The following TBL1Y variants were observed in gnomAD, a reference collection of about 807,000 sequenced individuals.
TBL1Y encodes transducin beta like 1 Y-linked.
In TBL1Y, 15 loss-of-function variants were observed where a neutral mutation model predicts 12.0. That is an observed-to-expected ratio of 1.25 (90% CI 0.83 to 1.92). TBL1Y has a LOEUF of 1.92. Ranked by LOEUF, TBL1Y falls within the 40% of genes most tolerant of loss-of-function variation. The probability of loss-of-function intolerance (pLI) is 0.00; values close to 1 mark genes in which losing one functional copy is unlikely to be tolerated. For missense variants in TBL1Y, 148 were observed against 116.7 expected (o/e 1.27, Z -1.24); for synonymous variants, 53 against 42.6 (o/e 1.24, Z -0.95).
chrY:6,982,634 T>TTATATA (rs2012293869), intron 3 of TBL1Y, among the ~76,000 whole-genome samples: 2 of 33,922 alleles, frequency 5.9e-5, no homozygotes, highest in Admixed American at 5.4e-4. Flanking sequence ...TTTTAAAACT[T>TTATATA]TATATGTGTA....
chrY:7,086,080 G>A, intron 15 of TBL1Y, 108 bp downstream of exon 15: 1 of 258,424 alleles, frequency 3.9e-6, no homozygotes, highest in Non-Finnish European at 5.9e-6. Context: ...TACTGACCAC[G>A]TTCCCTTCCT....
At chrY:6,935,261 C>T (rs1053976712) in intron 2 of TBL1Y, among the ~76,000 whole-genome samples, 2 of 32,748 alleles carry the variant, frequency 6.1e-5, no homozygotes, top group African/African-American at 1.2e-4. Flanking sequence ...TTTATAATGT[C>T]GCTCCCCATC....
intron 2 of TBL1Y, among the ~76,000 whole-genome samples, chrY:6,915,527 C>G (rs2011728731): frequency 9.0e-5 from 3 of 33,435 alleles, no homozygotes; most frequent in African/African-American, 3.5e-4. Flanking sequence ...AACTGTGTGT[C>G]TTTAGAGAGG....
intron 2 of TBL1Y, among the ~76,000 whole-genome samples, chrY:6,970,844 C>A: frequency 2.9e-5 from 1 of 34,222 alleles, no homozygotes; most frequent in East Asian, 7.7e-4. Flanking sequence ...ATCTTCCAGT[C>A]CCCTATAAGG....
intron 3 of TBL1Y, among the ~76,000 whole-genome samples, chrY:6,986,456 G>T: frequency 3.0e-5 from 1 of 33,551 alleles, no homozygotes; most frequent in South Asian, 6.7e-4. Flanking sequence ...AAGTTTGCTC[G>T]TTCAAGGGTG....
In TBL1Y at chrY:7,085,962, T is replaced by G. The variant is rs1214506954; in HGVS notation, c.1142T>G (p.Met381Arg). 2.5e-6 allele frequency: 1 copy of G among 398,106 alleles called. No individual in the cohort carries two copies. The highest frequency in any genetic ancestry group is 3.5e-6 in the Non-Finnish European group (1 of 283,271). Reference protein sequence around the residue: ...GMLLASCSDDMTLKIWSMKQD... With the variant: ...GMLLASCSDDRTLKIWSMKQD... ...TTGCTGGCGTCCTGCTCGGATGACA[T>G]GACATTGAAGGTAGAGTCAGCATGG... The change falls in exon 15 of 19, where the codon ATG becomes AGG. Residue 381 changes from methionine to arginine, a missense_variant. Coordinates refer to ENST00000383032, the MANE Select transcript of TBL1Y (RefSeq NM_033284.2).
At chrY:6,934,407 T>C (rs964426442) in intron 2 of TBL1Y, among the ~76,000 whole-genome samples, 9 of 32,994 alleles carry the variant, frequency 2.7e-4, no homozygotes, top group African/African-American at 1.1e-3. Flanking sequence ...TGCCCCAAGC[T>C]CATTTTCCCC....
chrY:7,063,293 A>C (rs2012903171), intron 7 of TBL1Y, among the ~76,000 whole-genome samples: 1 of 34,158 alleles, frequency 2.9e-5, no homozygotes, highest in African/African-American at 1.1e-4. Flanking sequence ...GTGACCCCTT[A>C]CAGATGGAGC....
At chrY:7,035,922 A>G (rs2012690169) in intron 6 of TBL1Y, among the ~76,000 whole-genome samples, 2 of 33,170 alleles carry the variant, frequency 6.0e-5, no homozygotes, top group African/African-American at 1.2e-4. Flanking sequence ...TTCTGTACAC[A>G]TACCCCAGAC....
chrY:6,937,164 G>A, intron 2 of TBL1Y, among the ~76,000 whole-genome samples: 2 of 33,497 alleles, frequency 6.0e-5, no homozygotes, highest in Admixed American at 2.7e-4. Context: ...TCCTCTGGAC[G>A]TTTCACAGAT....
chrY:6,957,466 C>T, intron 2 of TBL1Y, among the ~76,000 whole-genome samples: 4 of 34,044 alleles, frequency 1.2e-4, no homozygotes, highest in Non-Finnish European at 2.9e-4. Flanking sequence ...GAGGGGATGC[C>T]GTGAGTGTAA....
intron 2 of TBL1Y, among the ~76,000 whole-genome samples, chrY:6,961,395 C>T: frequency 6.1e-5 from 2 of 32,595 alleles, no homozygotes; most frequent in Non-Finnish European, 1.5e-4. Flanking sequence ...TTTTCTTCAC[C>T]TGGCGAGGTG....
chrY:7,086,227 T>C, intron 15 of TBL1Y, 63 bp from the exon 16 acceptor site: 2 of 383,863 alleles, frequency 5.2e-6, no homozygotes, highest in Middle Eastern at 7.4e-4. Flanking sequence ...GGAGGAATGA[T>C]GCCACATCAT....
intron 4 of TBL1Y, among the ~76,000 whole-genome samples, chrY:7,006,910 G>A: frequency 3.0e-5 from 1 of 33,754 alleles, no homozygotes; most frequent in Non-Finnish European, 7.3e-5. Context: ...GAAGCAGCTT[G>A]TTTCCTATTA....
chrY:7,015,408 G>C (rs2124147462), intron 4 of TBL1Y, among the ~76,000 whole-genome samples: 1 of 33,479 alleles, frequency 3.0e-5, no homozygotes, highest in African/African-American at 1.2e-4. Flanking sequence ...GAAATCATGA[G>C]GACTGACTGA....
chrY:6,997,771 G>A, intron 4 of TBL1Y, among the ~76,000 whole-genome samples: 1 of 34,058 alleles, frequency 2.9e-5, no homozygotes, highest in African/African-American at 1.1e-4. Flanking sequence ...CAAATGCATT[G>A]GGTTAGTTTC....
At chrY:6,995,615 C>T in intron 3 of TBL1Y, among the ~76,000 whole-genome samples, 189 bp from the exon 4 acceptor site, 1 of 31,741 alleles carries the variant, frequency 3.2e-5, no homozygotes. Context: ...GACGGTGTTT[C>T]GCTCTTGTTG....
At chrY:6,955,691 A>C in intron 2 of TBL1Y, among the ~76,000 whole-genome samples, 1 of 34,077 alleles carries the variant, frequency 2.9e-5, no homozygotes, top group Admixed American at 2.7e-4. Flanking sequence ...TTGTTCTGCT[A>C]TCCATTTGCT....
intron 6 of TBL1Y, among the ~76,000 whole-genome samples, chrY:7,026,567 C>T: frequency 5.9e-5 from 2 of 33,995 alleles, no homozygotes; most frequent in Non-Finnish European, 1.5e-4. Context: ...AAACAAGTTC[C>T]AGGCTGGAGC....
Sources: allele counts gnomAD v4.1 joint callset (sites outside exome capture counted in the v4.1 genomes callset), GRCh38; gene constraint gnomAD v4.1.1; transcripts MANE v1.5; gene names NCBI Gene and HGNC (gene_info 2026-07-23, HGNC 2026-07-21).